Variants in SBF2 observed in about 807,000 individuals in gnomAD.
SBF2 encodes the protein SET binding factor 2, also known as myotubularin-related protein 13.
In SBF2, 112 loss-of-function variants were observed where a neutral mutation model predicts 225.2. The ratio of observed to expected loss-of-function variants is 0.50; its 90% CI spans 0.43 to 0.58. The LOEUF (loss-of-function observed/expected upper bound fraction) is 0.58, where lower values mean the gene tolerates loss of function less well. SBF2 is among the 20% of genes least tolerant of loss of function. SBF2 has a pLI of 0.00. For missense variants in SBF2, 1,996 were observed against 2,206.2 expected (o/e 0.90, Z 1.91); for synonymous variants, 763 against 773.3 (o/e 0.99, Z 0.22).
At chr11:9,909,698 C>A (rs1005616995) in intron 16 of SBF2, among the ~76,000 whole-genome samples, 4 of 150,930 alleles carry the variant, frequency 2.7e-5, no homozygotes, top group Non-Finnish European at 5.9e-5. Flanking sequence ...GATACCCTGA[C>A]GACTTTGTGG....
At chr11:10,229,069 A>T (rs1591264924) in intron 1 of SBF2, among the ~76,000 whole-genome samples, 1 of 152,108 alleles carries the variant, frequency 6.6e-6, no homozygotes, top group Non-Finnish European at 1.5e-5. Context: ...CGAGGAATTT[A>T]TCCATTTCTT....
In SBF2 at chr11:10,142,049, G is replaced by A. The variant is rs150962736; in HGVS notation, c.141+51853C>T. Among the ~76,000 whole-genome samples, 123 of 152,186 alleles carry A rather than the reference G, an allele frequency of 8.1e-4. No homozygotes were observed. The Middle Eastern group carries it at 0.01, about 13-fold the overall frequency. On this transcript the variant is annotated intron_variant, in intron 2 of 39. Transcript: ENST00000256190. ...CTAGATTTTTCTCACTGCTAATACT[G>A]CAATTCTGAGAAGAAGGCAAATTAA...
intron 2 of SBF2, among the ~76,000 whole-genome samples, chr11:10,159,293 G>T (rs1955615446): frequency 6.6e-6 from 1 of 152,168 alleles, no homozygotes; most frequent in African/African-American, 2.4e-5. Context: ...TTCTGGCCTG[G>T]GGACTAGATT....
intron 1 of SBF2, among the ~76,000 whole-genome samples, chr11:10,242,100 T>C (rs1245443622): frequency 1.3e-5 from 2 of 151,692 alleles, no homozygotes; most frequent in Admixed American, 6.6e-5. Flanking sequence ...CTGGTGTCTA[T>C]GGGCAGTGGT....
chr11:10,119,638 ACT>A (rs1953334404), intron 2 of SBF2, among the ~76,000 whole-genome samples: 3 of 152,120 alleles, frequency 2.0e-5, no homozygotes, highest in Non-Finnish European at 4.4e-5. Context: ...TCTGTTTTAA[ACT>A]CTGATGGCTA....
At chr11:9,914,470 C>T (rs1413176194) in intron 16 of SBF2, among the ~76,000 whole-genome samples, 1 of 152,130 alleles carries the variant, frequency 6.6e-6, no homozygotes, top group Non-Finnish European at 1.5e-5. Context: ...ATGATGCTGG[C>T]CCAACTGGAC....
chr11:9,794,698 A>AAAAAAAAAAAAAAAAAAAAAC (rs1852995284), intron 33 of SBF2, among the ~76,000 whole-genome samples: 1 of 147,100 alleles, frequency 6.8e-6, no homozygotes, highest in Non-Finnish European at 1.5e-5. Context: ...AAAAAAAAAA[A>AAAAAAAAAAAAAAAAAAAAAC]AAAAAAAAAG....
At chr11:9,794,676 CAAAAAAAAAAAAAAAAAA>C (rs575749593) in intron 33 of SBF2, among the ~76,000 whole-genome samples, 4 of 35,348 alleles carry the variant, frequency 1.1e-4, no homozygotes, top group Non-Finnish European at 1.4e-4. Context: ...GACTCCGTCT[CAAAAAAAAAAAAAAAAAA>C]AAAAAAAAAA....
chr11:9,837,047 A>C lies in SBF2; in HGVS notation c.3455+2451T>G, dbSNP rs548691325. ...GTCATCTGTGAGTAATGGCAGTTTT[A>C]TTTCTTTCTTTTCAATTTTTATACC... On this transcript the variant is annotated intron_variant, in intron 26 of 39. Transcript: ENST00000256190. 1.4e-4 allele frequency among the ~76,000 whole-genome samples: 22 copies of C among 152,128 alleles called. No homozygotes were observed. In the Middle Eastern group the frequency reaches 0.01, roughly 71 times the overall value.
chr11:9,908,967 T>A (rs1007840550), intron 16 of SBF2, among the ~76,000 whole-genome samples: 4 of 151,788 alleles, frequency 2.6e-5, no homozygotes, highest in Non-Finnish European at 4.4e-5. Flanking sequence ...GGATTACAGA[T>A]GTGAGCCATC....
intron 30 of SBF2, among the ~76,000 whole-genome samples, chr11:9,812,223 T>C (rs1854227849): frequency 6.6e-6 from 1 of 152,170 alleles, no homozygotes; most frequent in Non-Finnish European, 1.5e-5. Flanking sequence ...AGGAGCCCTG[T>C]AAATACATGC....
At position 10,141,667 on chromosome 11, in the gene SBF2, T is replaced by G. The variant is rs545174265; in HGVS notation, c.141+52235A>C. 6.6e-5 allele frequency among the ~76,000 whole-genome samples: 10 copies of G among 152,296 alleles called. No individual in the cohort carries two copies. In the East Asian group the frequency reaches 1.9e-3, roughly 29 times the overall value. Reference sequence around the variant, plus strand: ...CACATCTTTTGTCATCATATAAATATTTTAGTTTCATAACTCTCTCATAAA... The same window carrying G: ...CACATCTTTTGTCATCATATAAATAGTTTAGTTTCATAACTCTCTCATAAA... On this transcript the variant is annotated intron_variant, in intron 2 of 39. Coordinates refer to ENST00000256190, the MANE Select transcript of SBF2 (RefSeq NM_030962.4).
chr11:9,869,048 C>A (rs1276730526), intron 17 of SBF2, among the ~76,000 whole-genome samples: 1 of 152,218 alleles, frequency 6.6e-6, no homozygotes, highest in Non-Finnish European at 1.5e-5. Context: ...GAGAAACTTT[C>A]CCTTATCAAC....
chr11:9,920,475 G>A (rs1214524807), intron 16 of SBF2, among the ~76,000 whole-genome samples: 1 of 152,036 alleles, frequency 6.6e-6, no homozygotes, highest in Admixed American at 6.6e-5. Flanking sequence ...CCACACATAT[G>A]GATTAGCATA....
intron 13 of SBF2, among the ~76,000 whole-genome samples, chr11:9,976,072 CTTTTTTTTTT>C (rs773334975): frequency 7.8e-6 from 1 of 128,262 alleles, no homozygotes; most frequent in Admixed American, 7.8e-5. Flanking sequence ...TCTTCTTCTT[CTTTTTTTTTT>C]TTTTTTTTTG....
chr11:9,808,773 G>C, intron 31 of SBF2, 128 bp downstream of exon 31: 3 of 730,048 alleles, frequency 4.1e-6, no homozygotes, highest in Non-Finnish European at 7.0e-6. Context: ...ACCAGGTGCT[G>C]TTTAACACAG....
chr11:9,779,892 C>T lies in SBF2; in HGVS notation c.*526G>A, dbSNP rs1013047519. On this transcript the variant is annotated 3_prime_UTR_variant, in exon 40 of 40. Coordinates refer to ENST00000256190, the MANE Select transcript of SBF2 (RefSeq NM_030962.4). Reference sequence around the variant, plus strand: ...TGTTGTGAACCCCACTGGCAGAGCACGGACCATGGAAGCATCTTTTGGCAG... The same window carrying T: ...TGTTGTGAACCCCACTGGCAGAGCATGGACCATGGAAGCATCTTTTGGCAG... 8 of 203,220 alleles carry T rather than the reference C, an allele frequency of 3.9e-5. No homozygotes were observed. The highest frequency in any genetic ancestry group is 1.9e-4 in the South Asian group (2 of 10,326). 12.6% of individuals were successfully genotyped at this position (203,220 alleles called of 1,614,324 possible). A position where few individuals can be genotyped will look rare whatever the true frequency, so the allele number is the denominator to read the frequency against.
intron 26 of SBF2, among the ~76,000 whole-genome samples, chr11:9,837,821 T>A (rs1855828991): frequency 6.6e-6 from 1 of 152,054 alleles, no homozygotes; most frequent in Admixed American, 6.6e-5. Context: ...CACTGTAACC[T>A]CCACCACCAG....
intron 1 of SBF2, among the ~76,000 whole-genome samples, chr11:10,276,862 T>C (rs1298085760): frequency 1.3e-5 from 2 of 152,106 alleles, no homozygotes; most frequent in African/African-American, 4.8e-5. Flanking sequence ...AATATAATAA[T>C]ATGGAGAAAA....
Sources: gnomAD v4.1 joint callset for allele counts (sites outside exome capture counted in the v4.1 genomes callset) on GRCh38, gnomAD v4.1.1 for gene constraint, MANE v1.5 for transcripts, NCBI Gene and HGNC (gene_info 2026-07-23, HGNC 2026-07-21) for gene names.